Variants in FILIP1 observed in about 807,000 individuals in gnomAD.
FILIP1 encodes the protein filamin A interacting protein 1.
FILIP1 carries 61 observed loss-of-function variants against 102.1 expected under a neutral mutation model. The observed-to-expected ratio is 0.60, with a 90% CI of 0.49 to 0.74. The LOEUF (loss-of-function observed/expected upper bound fraction) is 0.74. FILIP1 is among the 30% of genes least tolerant of loss of function. The pLI, the probability that FILIP1 is intolerant of heterozygous loss-of-function variation, is 0.00. For synonymous variants in FILIP1, 491 were observed against 526.9 expected, an observed-to-expected ratio of 0.93 and a Z score of 0.93; for missense variants, 1,314 against 1,441.2, an observed-to-expected ratio of 0.91 and a Z score of 1.43.
At chr6:75,321,909 T>G (rs1773677551) in intron 4 of FILIP1, among the ~76,000 whole-genome samples, 1 of 150,648 alleles carries the variant, frequency 6.6e-6, no homozygotes, top group Non-Finnish European at 1.5e-5. Context: ...AAATGAGAGA[T>G]AAAAAGAATT....
intron 2 of FILIP1, among the ~76,000 whole-genome samples, chr6:75,377,943 T>TCATTATTCA (rs1775796908): frequency 6.6e-6 from 1 of 152,254 alleles, no homozygotes; most frequent in South Asian, 2.1e-4. Context: ...CAGTTGATCC[T>TCATTATTCA]CATTATTCAC....
intron 1 of FILIP1, among the ~76,000 whole-genome samples, chr6:75,448,700 T>G (rs925612866): frequency 5.3e-5 from 8 of 152,126 alleles, no homozygotes; most frequent in Non-Finnish European, 1.2e-4. Flanking sequence ...TGGACAATTC[T>G]CAAAAGAAGA....
chr6:75,388,234 GTCTATAT>G (rs1272415032), intron 2 of FILIP1, among the ~76,000 whole-genome samples: 1 of 152,006 alleles, frequency 6.6e-6, no homozygotes, highest in African/African-American at 2.4e-5. Context: ...CTGTTCCATT[GTCTATAT>G]ATCTTTTTTG....
At chr6:75,393,595 T>C (rs190523809) in intron 2 of FILIP1, among the ~76,000 whole-genome samples, 29 of 152,288 alleles carry the variant, frequency 1.9e-4, no homozygotes, top group African/African-American at 6.7e-4. Context: ...GGATAAATCT[T>C]TGGAGTAAAC....
chr6:75,424,223 C>A (rs938322831), intron 1 of FILIP1, among the ~76,000 whole-genome samples: 6 of 152,148 alleles, frequency 3.9e-5, no homozygotes, highest in Non-Finnish European at 5.9e-5. Flanking sequence ...ATCAATACTA[C>A]TGCAATACAA....
At chr6:75,349,108 G>A (rs1774695566) in intron 4 of FILIP1, among the ~76,000 whole-genome samples, 1 of 152,190 alleles carries the variant, frequency 6.6e-6, no homozygotes. Flanking sequence ...TGTAGAATGA[G>A]GGATTTGAAA....
intron 4 of FILIP1, among the ~76,000 whole-genome samples, chr6:75,316,988 C>T (rs188634904): frequency 2.7e-4 from 41 of 152,274 alleles, no homozygotes; most frequent in Non-Finnish European, 4.6e-4. Context: ...TTATTGAAAA[C>T]GTTACTGCTT....
At chr6:75,333,312 C>T (rs562286017) in intron 4 of FILIP1, among the ~76,000 whole-genome samples, 3 of 152,070 alleles carry the variant, frequency 2.0e-5, no homozygotes, top group East Asian at 1.9e-4. Context: ...TTTTGGAAAA[C>T]CTTTAAAACT....
chr6:75,380,634 T>G (rs557967782), intron 2 of FILIP1, among the ~76,000 whole-genome samples: 2 of 152,252 alleles, frequency 1.3e-5, no homozygotes, highest in South Asian at 4.2e-4. Context: ...CAAAGATTGT[T>G]GCAGAAATAT....
At chr6:75,423,746 C>T (rs1777547145) in intron 1 of FILIP1, among the ~76,000 whole-genome samples, 1 of 152,156 alleles carries the variant, frequency 6.6e-6, no homozygotes, top group South Asian at 2.1e-4. Context: ...CACCTGACCT[C>T]TTGCCAACCT....
chr6:75,467,521 C>T (rs895904037), intron 1 of FILIP1, among the ~76,000 whole-genome samples: 4 of 152,172 alleles, frequency 2.6e-5, no homozygotes, highest in African/African-American at 7.2e-5. Flanking sequence ...GCATACACAA[C>T]CATAAATGGC....
At chr6:75,448,154 T>A (rs906571503) in intron 1 of FILIP1, among the ~76,000 whole-genome samples, 2 of 152,068 alleles carry the variant, frequency 1.3e-5, no homozygotes, top group African/African-American at 4.8e-5. Context: ...TTTATTAAAT[T>A]TACTTTAACC....
At chr6:75,403,331 T>G (rs1158940732) in intron 2 of FILIP1, among the ~76,000 whole-genome samples, 2 of 151,386 alleles carry the variant, frequency 1.3e-5, no homozygotes, top group Non-Finnish European at 3.0e-5. Context: ...CTAGGCAACA[T>G]CGTGAGACCC....
intron 4 of FILIP1, among the ~76,000 whole-genome samples, chr6:75,345,427 C>T (rs982113343): frequency 2.0e-5 from 3 of 151,564 alleles, no homozygotes; most frequent in Non-Finnish European, 4.4e-5. Flanking sequence ...GCGGGAAGCT[C>T]GCACAGGTGA....
intron 4 of FILIP1, among the ~76,000 whole-genome samples, chr6:75,341,005 T>C (rs1453119073): frequency 6.6e-6 from 1 of 151,478 alleles, no homozygotes; most frequent in Non-Finnish European, 1.5e-5. Flanking sequence ...TGCCTGCCCG[T>C]CCGCTTGTGT....
chr6:75,416,130 A>G (rs1355363471), intron 1 of FILIP1, among the ~76,000 whole-genome samples: 1 of 152,172 alleles, frequency 6.6e-6, no homozygotes, highest in Non-Finnish European at 1.5e-5. Flanking sequence ...ACTTTGTTAT[A>G]TGAAAGTAAA....
intron 1 of FILIP1, among the ~76,000 whole-genome samples, chr6:75,426,278 T>C: frequency 6.6e-6 from 1 of 152,176 alleles, no homozygotes; most frequent in Non-Finnish European, 1.5e-5. Context: ...ACTTCTTCTC[T>C]TCCAGATAAA....
chr6:75,308,487 C>A lies in FILIP1; in HGVS notation c.*204G>T. 1 of 1,400,348 alleles carries A rather than the reference C, an allele frequency of 7.1e-7. No homozygotes were observed. The highest frequency in any genetic ancestry group is 9.3e-7 in the Non-Finnish European group (1 of 1,079,056). 86.7% of individuals were successfully genotyped at this position (1,400,348 alleles called of 1,614,324 possible). A position where few individuals can be genotyped will look rare whatever the true frequency, so the allele number is the denominator to read the frequency against. On this transcript the variant is annotated 3_prime_UTR_variant, in exon 6 of 6. Coordinates refer to ENST00000237172, the MANE Select transcript of FILIP1 (RefSeq NM_015687.5). The stretch of plus-strand genomic sequence containing the variant: ...AAACCACGCCCTGGCTTCTAGGCAG[C>A]AAGCAATAGTTTTGCTAATTTTGTT...
At chr6:75,379,363 G>GT (rs1279639306) in intron 2 of FILIP1, among the ~76,000 whole-genome samples, 4 of 152,206 alleles carry the variant, frequency 2.6e-5, no homozygotes, top group African/African-American at 9.6e-5. Flanking sequence ...ATAGGCGACT[G>GT]TTTCGTTTGC....
Sources: gnomAD v4.1 joint callset for allele counts (sites outside exome capture counted in the v4.1 genomes callset) on GRCh38, gnomAD v4.1.1 for gene constraint, MANE v1.5 for transcripts, NCBI Gene and HGNC (gene_info 2026-07-23, HGNC 2026-07-21) for gene names.